PPP2R2D: variants seen among roughly 807,000 people sequenced by gnomAD.
The protein encoded by PPP2R2D is protein phosphatase 2 regulatory subunit Bdelta.
PPP2R2D carries 9 observed loss-of-function variants against 31.1 expected under a neutral mutation model. The observed-to-expected ratio is 0.29, with a 90% CI of 0.17 to 0.51. The LOEUF is 0.51. PPP2R2D is among the 20% of genes least tolerant of loss of function. The pLI is 0.98. For missense variants in PPP2R2D, 391 were observed against 465.6 expected, an observed-to-expected ratio of 0.84 and a Z score of 1.48; for synonymous variants, 179 against 172.6, an observed-to-expected ratio of 1.04 and a Z score of -0.29.
At chr10:131,941,982 CT>C (rs1319628892) in intron 5 of PPP2R2D, among the ~76,000 whole-genome samples, 2 of 152,238 alleles carry the variant, frequency 1.3e-5, no homozygotes, top group Non-Finnish European at 2.9e-5. Context: ...GTGCTGCCGC[CT>C]TTGCACCCCT....
intron 2 of PPP2R2D, among the ~76,000 whole-genome samples, chr10:131,909,846 T>C (rs2035654692): frequency 6.6e-6 from 1 of 152,272 alleles, no homozygotes; most frequent in African/African-American, 2.4e-5. Flanking sequence ...TATTTTACTT[T>C]AAAAGAATCT....
intron 3 of PPP2R2D, chr10:131,935,031 C>A: frequency 2.2e-6 from 1 of 452,464 alleles, no homozygotes; most frequent in Non-Finnish European, 4.4e-6. Flanking sequence ...CTCCTCCATG[C>A]CCCCTTGAAG....
intron 2 of PPP2R2D, among the ~76,000 whole-genome samples, chr10:131,928,162 G>T (rs782044121): frequency 6.6e-6 from 1 of 152,294 alleles, no homozygotes; most frequent in East Asian, 1.9e-4. Context: ...GCTAGGGAGG[G>T]TGGACACCAG....
intron 2 of PPP2R2D, among the ~76,000 whole-genome samples, chr10:131,904,366 C>T (rs1421143193): frequency 1.3e-4 from 20 of 151,916 alleles, no homozygotes; most frequent in Non-Finnish European, 2.2e-4. Context: ...AAAAATTAGC[C>T]GGGTGTGATG....
At chr10:131,935,614 T>C (rs2036324935) in intron 3 of PPP2R2D, among the ~76,000 whole-genome samples, 1 of 152,250 alleles carries the variant, frequency 6.6e-6, no homozygotes, top group Admixed American at 6.5e-5. Context: ...TCCAGGTAGT[T>C]AAAGATTTTT....
intron 2 of PPP2R2D, among the ~76,000 whole-genome samples, chr10:131,923,157 C>A (rs1186629314): frequency 6.6e-6 from 1 of 152,204 alleles, no homozygotes; most frequent in Non-Finnish European, 1.5e-5. Flanking sequence ...TCCCTCCACC[C>A]TCTGCCCTCT....
At chr10:131,922,660 C>T (rs1291121099) in intron 2 of PPP2R2D, among the ~76,000 whole-genome samples, 2 of 151,980 alleles carry the variant, frequency 1.3e-5, no homozygotes, top group African/African-American at 2.4e-5. Context: ...GTTGGCCAGG[C>T]TGGTCTTGAA....
At chr10:131,928,316 C>A (rs1438345292) in intron 2 of PPP2R2D, among the ~76,000 whole-genome samples, 1 of 152,138 alleles carries the variant, frequency 6.6e-6, no homozygotes, top group African/African-American at 2.4e-5. Flanking sequence ...AGTGGCCTCG[C>A]GAGCAGCACC....
intron 8 of PPP2R2D, among the ~76,000 whole-genome samples, chr10:131,950,563 T>C (rs887997099): frequency 7.2e-5 from 11 of 152,094 alleles, no homozygotes; most frequent in Non-Finnish European, 1.6e-4. Flanking sequence ...AGATGCTCGT[T>C]CAAGAATCTG....
At position 131,901,290 on chromosome 10, in the gene PPP2R2D, C is replaced by A; in HGVS notation, c.60C>A (p.Phe20Leu). The part of the protein sequence containing the change: ...PAGGNDFQWC[F>L]SQVKGAIDED... Reference sequence around the variant, plus strand: ...GCGGCAACGACTTCCAGTGGTGCTTCTCGCAGGTCAAGGGGGCCATCGACG... The same window carrying A: ...GCGGCAACGACTTCCAGTGGTGCTTATCGCAGGTCAAGGGGGCCATCGACG... Residue 20 changes from phenylalanine (F) to leucine (L), a missense_variant, in exon 2 of 9, where the codon TTC becomes TTA. Transcript: ENST00000455566. The A allele has an allele frequency of 2.8e-6, 1 of 360,598 alleles. No individual in the cohort carries two copies. Among genetic ancestry groups the A allele is most frequent in the Non-Finnish European group, 5.0e-6 (1 of 201,528 alleles). 22.3% of individuals were successfully genotyped at this position (360,598 alleles called of 1,614,324 possible).
Position 131,956,525 on chromosome 10 carries a change from C to T in PPP2R2D, c.*562C>T, listed in dbSNP as rs2036803648. The stretch of plus-strand genomic sequence containing the variant: ...GTGTGAGCGCTCAATAAAAACAACA[C>T]ACTATAAAGTGTTTTTAAATCCAAA... On this transcript the variant is annotated 3_prime_UTR_variant, in exon 9 of 9. Coordinates refer to ENST00000455566, the MANE Select transcript of PPP2R2D (RefSeq NM_018461.5). 2.0e-6 allele frequency: 2 copies of T among 985,498 alleles called. No homozygotes were observed. The highest frequency in any genetic ancestry group is 2.4e-6 in the Non-Finnish European group (2 of 829,952). 61.0% of individuals were successfully genotyped at this position (985,498 alleles called of 1,614,324 possible).
chr10:131,961,303 T>G (rs1554901436), downstream of PPP2R2D, among the ~76,000 whole-genome samples: 1 of 152,118 alleles, frequency 6.6e-6, no homozygotes, highest in Non-Finnish European at 1.5e-5. Context: ...ACAGGTGGTG[T>G]GCAGGGGTGG....
chr10:131,946,366 C>T (rs782271386), intron 7 of PPP2R2D, among the ~76,000 whole-genome samples: 1 of 152,182 alleles, frequency 6.6e-6, no homozygotes, highest in Non-Finnish European at 1.5e-5. Context: ...GGTAGACACA[C>T]GTCCAGTGAC....
At chr10:131,922,967 T>A (rs964206855) in intron 2 of PPP2R2D, among the ~76,000 whole-genome samples, 1 of 152,240 alleles carries the variant, frequency 6.6e-6, no homozygotes, top group Non-Finnish European at 1.5e-5. Flanking sequence ...AGTGACTTGA[T>A]CCATTTGTTT....
In PPP2R2D at chr10:131,956,395, C is replaced by G; in HGVS notation, c.*432C>G. The G allele has an allele frequency of 1.0e-6, 1 of 986,214 alleles. No individual in the cohort carries two copies. The allele number at this position is 986,214 out of a possible 1,614,324, so 61.1% of individuals were successfully genotyped here. On this transcript the variant is annotated 3_prime_UTR_variant, in exon 9 of 9. Transcript: ENST00000455566. Reference sequence around the variant, plus strand: ...GTGGTGTGGCCACCGTCCGTGTCCTCTCGGCCTTCCTCCGAGTCCAGGTGG... The same window carrying G: ...GTGGTGTGGCCACCGTCCGTGTCCTGTCGGCCTTCCTCCGAGTCCAGGTGG...
chr10:131,928,169 C>A (rs2036141880), intron 2 of PPP2R2D, among the ~76,000 whole-genome samples: 1 of 152,134 alleles, frequency 6.6e-6, no homozygotes, highest in Non-Finnish European at 1.5e-5. Context: ...AGGGTGGACA[C>A]CAGTTCATCT....
At chr10:131,950,552 T>C (rs1417633914) in intron 8 of PPP2R2D, among the ~76,000 whole-genome samples, 1 of 151,954 alleles carries the variant, frequency 6.6e-6, no homozygotes, top group Non-Finnish European at 1.5e-5. Context: ...AGCCTTGAAG[T>C]AGATGCTCGT....
At chr10:131,921,163 C>G (rs1376019226) in intron 2 of PPP2R2D, among the ~76,000 whole-genome samples, 1 of 152,228 alleles carries the variant, frequency 6.6e-6, no homozygotes, top group Non-Finnish European at 1.5e-5. Flanking sequence ...ATACTTGTCA[C>G]TGCCTTCTTG....
At chr10:131,943,899 T>TTAGAAC (rs2036486818) in intron 5 of PPP2R2D, 69 bp from the exon 6 acceptor site, 4 of 708,022 alleles carry the variant, frequency 5.6e-6, no homozygotes, top group South Asian at 1.6e-5. Context: ...TTTCGTTATC[T>TTAGAAC]ACTATAAGTG....
Sources: allele counts gnomAD v4.1 joint callset (sites outside exome capture counted in the v4.1 genomes callset), GRCh38; gene constraint gnomAD v4.1.1; transcripts MANE v1.5; gene names NCBI Gene and HGNC (gene_info 2026-07-23, HGNC 2026-07-21).